The following TCERG1L variants were observed in gnomAD, a reference collection of about 807,000 sequenced individuals.
TCERG1L encodes transcription elongation regulator 1-like protein.
In TCERG1L, 37 loss-of-function variants were observed where a neutral mutation model predicts 56.3. The observed-to-expected ratio is 0.66, with a 90% CI of 0.51 to 0.87. The LOEUF is 0.87. Ranked by LOEUF, TCERG1L falls within the 40% of genes least tolerant of loss-of-function variation. The pLI, the probability that TCERG1L is intolerant of heterozygous loss-of-function variation, is 0.00. For missense variants in TCERG1L, 799 were observed against 774.2 expected (o/e 1.03, Z -0.38); for synonymous variants, 324 against 326.3 (o/e 0.99, Z 0.08).
At chr10:131,202,190 A>G (rs779173760) in intron 4 of TCERG1L, among the ~76,000 whole-genome samples, 6 of 152,334 alleles carry the variant, frequency 3.9e-5, no homozygotes, top group Non-Finnish European at 7.3e-5. Context: ...TACACGCTCA[A>G]CTGATTGTAA....
chr10:131,276,471 T>A (rs965864095), intron 3 of TCERG1L, among the ~76,000 whole-genome samples: 1 of 152,184 alleles, frequency 6.6e-6, no homozygotes, highest in Non-Finnish European at 1.5e-5. Flanking sequence ...TCAAACCACT[T>A]CATTATGTTC....
chr10:131,155,367 T>C (rs1299725444), intron 6 of TCERG1L, among the ~76,000 whole-genome samples: 2 of 152,172 alleles, frequency 1.3e-5, no homozygotes, highest in Non-Finnish European at 2.9e-5. Flanking sequence ...TCAAGCCGAG[T>C]CCACTCGGGG....
chr10:131,308,905 ACT>A (rs889494796), intron 2 of TCERG1L, among the ~76,000 whole-genome samples: 2 of 152,096 alleles, frequency 1.3e-5, no homozygotes, highest in Non-Finnish European at 2.9e-5. Flanking sequence ...TTTAAAAAAG[ACT>A]CTGATTCAAA....
intron 9 of TCERG1L, among the ~76,000 whole-genome samples, chr10:131,109,434 G>A (rs1845388309): frequency 6.6e-6 from 1 of 152,044 alleles, no homozygotes; most frequent in South Asian, 2.1e-4. Flanking sequence ...CCGTGACCAT[G>A]TCTGTGACTG....
At chr10:131,097,401 G>A (rs998559041) in intron 11 of TCERG1L, among the ~76,000 whole-genome samples, 8 of 152,126 alleles carry the variant, frequency 5.3e-5, no homozygotes, top group Non-Finnish European at 2.9e-5. Context: ...AGGTTGGAGT[G>A]CAGTGGTGCA....
At chr10:131,169,061 C>A (rs1195472076) in intron 4 of TCERG1L, among the ~76,000 whole-genome samples, 3 of 152,092 alleles carry the variant, frequency 2.0e-5, no homozygotes, top group Non-Finnish European at 2.9e-5. Flanking sequence ...AAGCAGAGTC[C>A]CTGGATTGCA....
At chr10:131,192,119 A>G (rs562744822) in intron 4 of TCERG1L, among the ~76,000 whole-genome samples, 2 of 143,628 alleles carry the variant, frequency 1.4e-5, no homozygotes, top group East Asian at 3.9e-4. Flanking sequence ...AAATATTTGC[A>G]AACTATGTAT....
intron 6 of TCERG1L, among the ~76,000 whole-genome samples, chr10:131,158,883 G>A (rs1344135184): frequency 2.0e-5 from 3 of 152,194 alleles, no homozygotes; most frequent in Non-Finnish European, 4.4e-5. Flanking sequence ...GAGAGTCAGC[G>A]GAGCCATCAG....
rs367794339 is a variant in TCERG1L at position 131,175,327 on chromosome 10, C to T, written c.857-8442G>A. ...AGGAGAGCCCAGTGCCTGCCTCACCCGGTGCGGCACGCTTGCACGGAGGCA... is the reference window on the plus strand; with the variant it reads ...AGGAGAGCCCAGTGCCTGCCTCACCTGGTGCGGCACGCTTGCACGGAGGCA... On this transcript the variant is annotated intron_variant, in intron 4 of 11. Coordinates refer to ENST00000368642, the MANE Select transcript of TCERG1L (RefSeq NM_174937.4). Among the ~76,000 whole-genome samples, 10 of 152,360 alleles carry T rather than the reference C, an allele frequency of 6.6e-5. No homozygotes were observed. In the East Asian group the frequency reaches 1.5e-3, roughly 24 times the overall value.
chr10:131,228,055 G>A (rs117358560), intron 4 of TCERG1L, among the ~76,000 whole-genome samples: 3,111 of 151,782 alleles, frequency 0.02, 63 homozygotes, highest in Non-Finnish European at 0.033. Flanking sequence ...TTTCTCAGTG[G>A]CATTGCAGGG....
At chr10:131,168,841 C>A (rs1379610739) in intron 4 of TCERG1L, among the ~76,000 whole-genome samples, 2 of 152,220 alleles carry the variant, frequency 1.3e-5, no homozygotes, top group African/African-American at 4.8e-5. Flanking sequence ...TCTTCCTTCA[C>A]AAGAGGCCTG....
At chr10:131,262,024 G>C (rs1846241698) in intron 3 of TCERG1L, among the ~76,000 whole-genome samples, 1 of 152,204 alleles carries the variant, frequency 6.6e-6, no homozygotes. Flanking sequence ...AAATCATCAG[G>C]GATGAGGTGC....
At position 131,260,332 on chromosome 10, in the gene TCERG1L, G is replaced by A; in HGVS notation, c.783C>T (p.Pro261=). ...VDPENLRGPS[P]SSVQPRHFLT... ...GGAAGTGGCGCGGCTGCACGCTGGA[G>A]GGGGACGGGCCCCGGAGGTTCTCAG... The change falls in exon 4 of 12, where the codon CCC becomes CCT. Residue 261 remains proline, a synonymous_variant. Coordinates refer to ENST00000368642, the MANE Select transcript of TCERG1L (RefSeq NM_174937.4). The surrounding 1 kb of genome is among the most constrained non-coding windows in gnomAD (Gnocchi z 5.8). 1 of 1,472,012 alleles carries A rather than the reference G, an allele frequency of 6.8e-7. No homozygotes were observed. Among genetic ancestry groups the A allele is most frequent in the Non-Finnish European group, 8.9e-7 (1 of 1,117,956 alleles). 91.2% of individuals were successfully genotyped at this position (1,472,012 alleles called of 1,614,324 possible).
intron 4 of TCERG1L, among the ~76,000 whole-genome samples, chr10:131,233,909 A>C (rs1845880445): frequency 6.6e-6 from 1 of 152,134 alleles, no homozygotes; most frequent in Non-Finnish European, 1.5e-5. Flanking sequence ...TGGACAGACT[A>C]GATTATTTTT....
intron 3 of TCERG1L, among the ~76,000 whole-genome samples, chr10:131,266,092 ATCT>A (rs1389140080): frequency 6.6e-6 from 1 of 152,244 alleles, no homozygotes; most frequent in African/African-American, 2.4e-5. Flanking sequence ...TGTTTACAAC[ATCT>A]TCACCAGGAG....
intron 3 of TCERG1L, among the ~76,000 whole-genome samples, chr10:131,269,268 C>G (rs1180336052): frequency 6.6e-6 from 1 of 152,178 alleles, no homozygotes; most frequent in South Asian, 2.1e-4. Context: ...CTCACTGCAA[C>G]CTCCGCCTCC....
intron 4 of TCERG1L, among the ~76,000 whole-genome samples, chr10:131,196,503 C>T (rs959596814): frequency 6.6e-6 from 1 of 152,248 alleles, no homozygotes; most frequent in Non-Finnish European, 1.5e-5. Flanking sequence ...AGGACAACCT[C>T]GATGTGCAGG....
intron 4 of TCERG1L, among the ~76,000 whole-genome samples, chr10:131,203,984 C>T (rs1463653342): frequency 3.3e-5 from 5 of 152,140 alleles, no homozygotes; most frequent in Admixed American, 2.0e-4. Context: ...CCCAATAGGA[C>T]GATATGAAGA....
At chr10:131,137,383 T>C (rs558758642) in intron 7 of TCERG1L, among the ~76,000 whole-genome samples, 1 of 152,332 alleles carries the variant, frequency 6.6e-6, no homozygotes, top group Admixed American at 6.5e-5. Context: ...TCACTGGGCC[T>C]TCTGGCCGTC....
Sources: allele counts gnomAD v4.1 joint callset (sites outside exome capture counted in the v4.1 genomes callset), GRCh38; gene constraint gnomAD v4.1.1; non-coding constraint Gnocchi (gnomAD v3.1); transcripts MANE v1.5; gene names NCBI Gene and HGNC (gene_info 2026-07-23, HGNC 2026-07-21).